The following ZNF503 variants were observed in gnomAD, a reference collection of about 807,000 sequenced individuals.
ZNF503 encodes zinc finger protein 503.
Under a neutral mutation model 34.4 loss-of-function variants are expected in ZNF503, and 15 were observed. The ratio of observed to expected loss-of-function variants is 0.44; its 90% confidence interval spans 0.29 to 0.67. The LOEUF (loss-of-function observed/expected upper bound fraction) is 0.67, where lower values mean the gene tolerates loss of function less well. ZNF503 is among the 30% of genes least tolerant of loss of function. The pLI, the probability that ZNF503 is intolerant of heterozygous loss-of-function variation, is 0.13. For synonymous variants in ZNF503, 580 were observed against 456.8 expected, an observed-to-expected ratio of 1.27 and a Z score of -3.44; for missense variants, 1,007 against 926.8, an observed-to-expected ratio of 1.09 and a Z score of -1.12.
chr10:75,292,622 T>A, the ZNF503 span, among the ~76,000 whole-genome samples: 1 of 152,208 alleles, frequency 6.6e-6, no homozygotes, highest in Admixed American at 6.5e-5. Context: ...ATGGTTCACA[T>A]GCCTATTCCC....
the ZNF503 span, among the ~76,000 whole-genome samples, chr10:75,380,159 G>A: frequency 7.2e-5 from 11 of 152,190 alleles, no homozygotes; most frequent in Non-Finnish European, 1.5e-4. Flanking sequence ...GATGGAAAAG[G>A]CAGGGCTACT....
In ZNF503 at chr10:75,401,256, G is replaced by A. The variant is rs752804558; in HGVS notation, c.164C>T (p.Pro55Leu). 1.9e-6 allele frequency: 3 copies of A among 1,604,252 alleles called. No individual in the cohort carries two copies. Among genetic ancestry groups the A allele is most frequent in the African/African-American group, 1.3e-5 (1 of 74,694 alleles). The change falls in exon 1 of 2, where the codon CCT becomes CTT. Residue 55 changes from proline to leucine, a missense_variant. Pro to Leu is a moderately conservative substitution (Grantham distance 98). Coordinates refer to ENST00000372524, the MANE Select transcript of ZNF503 (RefSeq NM_032772.6). ...AGAGGGGGGCACGGCGTGCACAAAA[G>A]GCTTGGTGCTGCCGGCCGGGGACGA... Reference protein sequence around the residue: ...PGSSPAGSTKPFVHAVPPSDP... With the variant: ...PGSSPAGSTKLFVHAVPPSDP...
chr10:75,343,767 T>C, the ZNF503 span, among the ~76,000 whole-genome samples: 1 of 152,220 alleles, frequency 6.6e-6, no homozygotes, highest in East Asian at 1.9e-4. Flanking sequence ...ATCCCATGCC[T>C]GGTGCCAGGC....
the ZNF503 span, among the ~76,000 whole-genome samples, chr10:75,290,934 T>A: frequency 6.6e-6 from 1 of 152,208 alleles, no homozygotes; most frequent in Non-Finnish European, 1.5e-5. Context: ...AATTGTTGCA[T>A]GGTTGAGATT....
chr10:75,287,218 G>A, the ZNF503 span, among the ~76,000 whole-genome samples: 1 of 152,050 alleles, frequency 6.6e-6, no homozygotes, highest in African/African-American at 2.4e-5. Flanking sequence ...CATCTGTTGG[G>A]TGGCTGCCAC....
At chr10:75,305,226 C>T in the ZNF503 span, among the ~76,000 whole-genome samples, 1 of 151,850 alleles carries the variant, frequency 6.6e-6, no homozygotes, top group Non-Finnish European at 1.5e-5. Context: ...CATGTAAAAC[C>T]AAAAAGTCTC....
the ZNF503 span, among the ~76,000 whole-genome samples, chr10:75,295,245 A>AGGGGCGC: frequency 2.6e-5 from 4 of 151,458 alleles, no homozygotes; most frequent in East Asian, 7.9e-4. The surrounding 1 kb of genome is among the most constrained non-coding windows in gnomAD (Gnocchi z 4.0). Flanking sequence ...AGGAGGAGGC[A>AGGGGCGC]GGGGCGCGCC....
At position 75,399,619 on chromosome 10, in the gene ZNF503, C is replaced by T. The variant is rs1843754475; in HGVS notation, c.1071G>A (p.Met357Ile). Residue 357 changes from methionine to isoleucine, a missense_variant, in exon 2 of 2, where the codon ATG (methionine) becomes ATA (isoleucine). Transcript: ENST00000372524. ...CCCCGGCCAGGCTGCCTGGGTAGGT[C>T]ATACCCGCGGGAGGCAGAGGGAACA... Reference protein sequence around the residue: ...QTVFPLPPAGMTYPGSLAGAY... With the variant: ...QTVFPLPPAGITYPGSLAGAY... The T allele has an allele frequency of 1.3e-6, 2 of 1,598,290 alleles. No individual in the cohort carries two copies. The highest frequency in any genetic ancestry group is 1.7e-4 in the Middle Eastern group (1 of 6,018).
chr10:75,371,845 A>G, the ZNF503 span, among the ~76,000 whole-genome samples: 1 of 152,062 alleles, frequency 6.6e-6, no homozygotes, highest in Admixed American at 6.6e-5. Context: ...GGCTTGCCAC[A>G]CCTACCATCT....
chr10:75,296,523 T>C, the ZNF503 span: 1 of 152,164 alleles, frequency 6.6e-6, no homozygotes, highest in South Asian at 2.1e-4. Context: ...AGGCTTCTCA[T>C]CTGTAACTGG....
At chr10:75,345,496 G>C in the ZNF503 span, among the ~76,000 whole-genome samples, 1 of 151,468 alleles carries the variant, frequency 6.6e-6, no homozygotes, top group Admixed American at 6.6e-5. Context: ...TTAGCCAGGC[G>C]TTGTGGTGGG....
chr10:75,323,924 C>T, the ZNF503 span, among the ~76,000 whole-genome samples: 5 of 149,694 alleles, frequency 3.3e-5, no homozygotes, highest in African/African-American at 1.2e-4. Context: ...ATTGCTTAAA[C>T]CTGCCTCAGC....
chr10:75,331,583 G>C, the ZNF503 span, among the ~76,000 whole-genome samples: 1 of 152,022 alleles, frequency 6.6e-6, no homozygotes, highest in Admixed American at 6.6e-5. Context: ...CAAGTAGCTG[G>C]GACTACAGGT....
chr10:75,356,827 A>G, the ZNF503 span, among the ~76,000 whole-genome samples: 1 of 152,200 alleles, frequency 6.6e-6, no homozygotes, highest in South Asian at 2.1e-4. Context: ...CACTGTGGCT[A>G]TAGCCCAGAG....
chr10:75,329,438 T>TTCCTTCCTTCCTTCCTTC, the ZNF503 span, among the ~76,000 whole-genome samples: 2 of 89,600 alleles, frequency 2.2e-5, no homozygotes. Context: ...TTCCTTCCTT[T>TTCCTTCCTTCCTTCCTTC]CTTTCTTTCT....
Position 75,401,459 on chromosome 10 carries a change from C to CCAG in ZNF503, c.-41_-40insCTG. 1 of 1,507,856 alleles carries CCAG rather than the reference C, an allele frequency of 6.6e-7. No homozygotes were observed. The highest frequency in any genetic ancestry group is 8.8e-7 in the Non-Finnish European group (1 of 1,136,188). The allele number at this position is 1,507,856 out of a possible 1,614,324, so 93.4% of individuals were successfully genotyped here. A position where few individuals can be genotyped will look rare whatever the true frequency, so the allele number is the denominator to read the frequency against. ...CATGGGAGCAGCGGGGGGGAGGGCT[C>CCAG]CGGGAGGCGCGGGGCGGGCTCGGGG... On this transcript the variant is annotated 5_prime_UTR_variant, in exon 1 of 2. Transcript: ENST00000372524.
In ZNF503 at chr10:75,399,292, G is replaced by A. The variant is rs1311784166; in HGVS notation, c.1398C>T (p.Tyr466=). ...GCGGGTGCGTGGGGTACACCAGCGG[G>A]TATCCGGACTTCAGCGCCGCAGCCG... ...AAAAAALKSG[Y]PLVYPTHPLH... Residue 466 remains tyrosine (Y), a synonymous_variant, in exon 2 of 2, where the codon TAC becomes TAT. Coordinates refer to ENST00000372524, the MANE Select transcript of ZNF503 (RefSeq NM_032772.6). The A allele has an allele frequency of 4.4e-6, 7 of 1,601,916 alleles. No individual in the cohort carries two copies. Among genetic ancestry groups the A allele is most frequent in the African/African-American group, 1.3e-5 (1 of 74,704 alleles).
chr10:75,362,066 C>T, the ZNF503 span, among the ~76,000 whole-genome samples: 1 of 152,226 alleles, frequency 6.6e-6, no homozygotes. Flanking sequence ...AGCTTCCCTA[C>T]CAGCCCCAGG....
At chr10:75,322,956 C>G in the ZNF503 span, among the ~76,000 whole-genome samples, 1 of 152,126 alleles carries the variant, frequency 6.6e-6, no homozygotes. Context: ...AAATTTTATT[C>G]TTTGTTGTGT....
Sources: gnomAD v4.1 joint callset for allele counts (sites outside exome capture counted in the v4.1 genomes callset) on GRCh38, gnomAD v4.1.1 for gene constraint, Gnocchi (gnomAD v3.1) non-coding constraint, MANE v1.5 for transcripts, NCBI Gene and HGNC (gene_info 2026-07-23, HGNC 2026-07-21) for gene names.